Variants in ARHGEF38 observed in about 807,000 individuals in gnomAD.
ARHGEF38 encodes the protein Rho guanine nucleotide exchange factor (GEF) 38.
Under a neutral mutation model 79.9 loss-of-function variants are expected in ARHGEF38, and 79 were observed. That is an observed-to-expected ratio of 0.99 (90% CI 0.82 to 1.19). ARHGEF38 has a LOEUF of 1.19. Among genes scored for constraint, ARHGEF38 ranks in the 50% most tolerant of loss-of-function variants. The probability of loss-of-function intolerance (pLI) is 0.00; values close to 1 mark genes in which losing one functional copy is unlikely to be tolerated. For synonymous variants in ARHGEF38, 366 were observed against 328.3 expected (o/e 1.11, Z -1.24); for missense variants, 962 against 907.2 (o/e 1.06, Z -0.78).
intron 1 of ARHGEF38, among the ~76,000 whole-genome samples, chr4:105,583,790 G>A (rs1375107378): frequency 1.3e-5 from 2 of 152,034 alleles, no homozygotes; most frequent in African/African-American, 2.4e-5. Context: ...TATTTGTTAA[G>A]CATTCAATAA....
chr4:105,663,227 A>G (rs186667653), intron 10 of ARHGEF38, among the ~76,000 whole-genome samples: 6 of 152,314 alleles, frequency 3.9e-5, no homozygotes, highest in African/African-American at 9.6e-5. Context: ...CTGCTATACT[A>G]CATTGTGTAA....
intron 3 of ARHGEF38, among the ~76,000 whole-genome samples, chr4:105,627,578 A>T (rs1280015591): frequency 6.6e-6 from 1 of 152,134 alleles, no homozygotes; most frequent in Non-Finnish European, 1.5e-5. Context: ...CTTTTTGGGG[A>T]TGCCAATGCA....
chr4:105,655,984 A>G (rs994381762), intron 9 of ARHGEF38, among the ~76,000 whole-genome samples: 1 of 152,218 alleles, frequency 6.6e-6, no homozygotes, highest in Non-Finnish European at 1.5e-5. Flanking sequence ...AGCTTTTAAA[A>G]TTAATATTTA....
chr4:105,663,282 G>A (rs561700060), intron 10 of ARHGEF38, among the ~76,000 whole-genome samples: 1 of 152,182 alleles, frequency 6.6e-6, no homozygotes, highest in African/African-American at 2.4e-5. Context: ...GAATTAAAAT[G>A]AGAATAATAA....
At chr4:105,624,007 A>G (rs1728844390) in intron 3 of ARHGEF38, among the ~76,000 whole-genome samples, 1 of 152,110 alleles carries the variant, frequency 6.6e-6, no homozygotes, top group East Asian at 1.9e-4. Context: ...GGACACAGAG[A>G]TGATCACGAC....
intron 2 of ARHGEF38, among the ~76,000 whole-genome samples, chr4:105,597,630 A>C (rs1035620702): frequency 6.6e-6 from 1 of 152,160 alleles, no homozygotes; most frequent in Non-Finnish European, 1.5e-5. Flanking sequence ...ATTGCCCTGA[A>C]CTCAGTGGAG....
intron 6 of ARHGEF38, 37 bp from the exon 7 acceptor site, chr4:105,648,512 A>G: frequency 2.1e-6 from 3 of 1,456,738 alleles, no homozygotes; most frequent in Non-Finnish European, 2.7e-6. Context: ...TCTATGCTGC[A>G]TGTGTTCAGC....
At chr4:105,657,066 T>C (rs1000092176) in intron 9 of ARHGEF38, among the ~76,000 whole-genome samples, 2 of 152,162 alleles carry the variant, frequency 1.3e-5, no homozygotes, top group Non-Finnish European at 2.9e-5. Context: ...GATAGATAGA[T>C]AGATAGATAG....
At position 105,567,879 on chromosome 4, in the gene ARHGEF38, C is replaced by T. The variant is rs375196933; in HGVS notation, c.196+14918C>T. On this transcript the variant is annotated intron_variant, in intron 1 of 13. Transcript: ENST00000420470. ...ATGTGCCACGCTGGTGCGCTGCACC[C>T]ACTAACTCGTCATCTAGCATTAGGT... 3.4e-4 allele frequency among the ~76,000 whole-genome samples: 51 copies of T among 151,766 alleles called. No homozygotes were observed. In the South Asian group the frequency reaches 0.01, roughly 31 times the overall value.
At chr4:105,637,336 A>G (rs1428281549) in intron 5 of ARHGEF38, among the ~76,000 whole-genome samples, 1 of 152,186 alleles carries the variant, frequency 6.6e-6, no homozygotes, top group Non-Finnish European at 1.5e-5. Context: ...AGGGCTGTAT[A>G]TCTCAGTCAA....
intron 1 of ARHGEF38, chr4:105,563,222 T>C (rs2110405386): frequency 6.6e-6 from 1 of 152,304 alleles, no homozygotes; most frequent in East Asian, 1.9e-4. Context: ...ATATAGGAGC[T>C]ATGATAAGAA....
chr4:105,634,780 A>G (rs554594620), intron 4 of ARHGEF38, among the ~76,000 whole-genome samples: 6 of 152,254 alleles, frequency 3.9e-5, no homozygotes, highest in South Asian at 2.1e-4. Context: ...TTATAAATGT[A>G]TCTGTATTTT....
At chr4:105,562,080 T>C (rs1725660776) in intron 1 of ARHGEF38, among the ~76,000 whole-genome samples, 1 of 152,164 alleles carries the variant, frequency 6.6e-6, no homozygotes, top group South Asian at 2.1e-4. Context: ...TTTCTCATGG[T>C]AAATTTACAC....
intron 3 of ARHGEF38, among the ~76,000 whole-genome samples, chr4:105,625,714 A>G (rs928173271): frequency 3.9e-5 from 6 of 152,168 alleles, no homozygotes; most frequent in Non-Finnish European, 7.4e-5. Context: ...ACATGGCCAT[A>G]CCAATTGGAT....
At chr4:105,581,915 C>T (rs1434676866) in intron 1 of ARHGEF38, among the ~76,000 whole-genome samples, 1 of 151,982 alleles carries the variant, frequency 6.6e-6, no homozygotes, top group Non-Finnish European at 1.5e-5. Flanking sequence ...CTTGTAATCC[C>T]AGCACTTTGG....
At chr4:105,649,283 T>C (rs1729990105) in intron 7 of ARHGEF38, among the ~76,000 whole-genome samples, 1 of 152,164 alleles carries the variant, frequency 6.6e-6, no homozygotes, top group South Asian at 2.1e-4. Context: ...CAATCCCTAA[T>C]AAATAATAGA....
chr4:105,602,222 A>G lies in ARHGEF38; in HGVS notation c.385-11162A>G, dbSNP rs1044669988. Among the ~76,000 whole-genome samples the G allele has an allele frequency of 1.2e-4, 19 of 152,148 alleles. 1 individual carries two copies. The highest frequency in any genetic ancestry group is 2.6e-4 in the Admixed American group (4 of 15,266). On this transcript the variant is annotated intron_variant, in intron 2 of 13. Coordinates refer to ENST00000420470, the MANE Select transcript of ARHGEF38 (RefSeq NM_001242729.2). ...CATAGGGTAAGTTTAAAAATGAGTT[A>G]ATTCCTTTTGATAGTAGCAGATGGT...
intron 2 of ARHGEF38, among the ~76,000 whole-genome samples, chr4:105,611,036 T>A (rs543436677): frequency 1.3e-5 from 2 of 152,210 alleles, no homozygotes; most frequent in South Asian, 4.1e-4. Context: ...CCCCTGAACT[T>A]CTTGCATAAG....
At chr4:105,585,801 G>A (rs1251820116) in intron 1 of ARHGEF38, among the ~76,000 whole-genome samples, 4 of 115,196 alleles carry the variant, frequency 3.5e-5, no homozygotes, top group Admixed American at 2.6e-4. Context: ...GCACTATCTC[G>A]GCTCACTGCA....
Sources: gnomAD v4.1 joint callset for allele counts (sites outside exome capture counted in the v4.1 genomes callset) on GRCh38, gnomAD v4.1.1 for gene constraint, MANE v1.5 for transcripts, NCBI Gene and HGNC (gene_info 2026-07-23, HGNC 2026-07-21) for gene names.